HNF4G: variants seen among roughly 807,000 people sequenced by gnomAD.
HNF4G encodes hepatocyte nuclear factor 4-gamma.
Under a neutral mutation model 50.9 loss-of-function variants are expected in HNF4G, and 21 were observed. That is an observed-to-expected ratio of 0.41 (90% CI 0.29 to 0.59). The LOEUF (loss-of-function observed/expected upper bound fraction) is 0.59. HNF4G is among the 20% of genes least tolerant of loss of function. The pLI is 0.26. For missense variants in HNF4G, 527 were observed against 559.4 expected (o/e 0.94, Z 0.58); for synonymous variants, 198 against 185.6 (o/e 1.07, Z -0.54).
chr8:75,441,353 C>T (rs924862845), intron 1 of HNF4G, among the ~76,000 whole-genome samples: 1 of 151,770 alleles, frequency 6.6e-6, no homozygotes, highest in Non-Finnish European at 1.5e-5. Context: ...TCAAGTGAGT[C>T]TCACACCTTA....
intron 1 of HNF4G, among the ~76,000 whole-genome samples, chr8:75,435,486 A>G (rs1222689827): frequency 1.3e-5 from 2 of 152,198 alleles, no homozygotes; most frequent in Admixed American, 6.5e-5. Context: ...GAGTAAATCA[A>G]TGATGCCTGT....
At chr8:75,501,895 C>T (rs1177118135) in intron 2 of HNF4G, among the ~76,000 whole-genome samples, 1 of 120,554 alleles carries the variant, frequency 8.3e-6, no homozygotes, top group Non-Finnish European at 1.7e-5. Flanking sequence ...CTTTGTTGCC[C>T]AGGCTGGAGT....
intron 1 of HNF4G, among the ~76,000 whole-genome samples, chr8:75,477,916 G>A (rs1253667676): frequency 6.6e-6 from 1 of 152,066 alleles, no homozygotes; most frequent in South Asian, 2.1e-4. Flanking sequence ...GCAGTGAGCC[G>A]AGATCGTGCT....
chr8:75,555,440 G>A lies in HNF4G; in HGVS notation c.646-542G>A, dbSNP rs114104834. Among the ~76,000 whole-genome samples, 1,291 of 152,214 alleles carry A rather than the reference G, an allele frequency of 8.5e-3. 12 individuals carry two copies. The highest frequency in any genetic ancestry group is 0.028 in the African/African-American group (1,158 of 41,544). ...TACTGAGAAGAATAATCTAGAAAGC[G>A]GCAGAACCCAGACCTCCCATCTTTT... On this transcript the variant is annotated intron_variant, in intron 5 of 9. Coordinates refer to ENST00000396423, the MANE Select transcript of HNF4G (RefSeq NM_004133.5).
chr8:75,478,295 C>T (rs1260593975), intron 1 of HNF4G, among the ~76,000 whole-genome samples: 6 of 152,096 alleles, frequency 3.9e-5, no homozygotes, highest in Non-Finnish European at 7.4e-5. Flanking sequence ...GCCTGAGTGA[C>T]AAATGGAATT....
intron 1 of HNF4G, among the ~76,000 whole-genome samples, chr8:75,414,411 A>T (rs556019164): frequency 6.6e-6 from 1 of 152,156 alleles, no homozygotes; most frequent in Non-Finnish European, 1.5e-5. Context: ...AACAGCGTAT[A>T]TTTAAAGTGT....
intron 1 of HNF4G, among the ~76,000 whole-genome samples, chr8:75,466,850 AT>A (rs1217856479): frequency 6.6e-6 from 1 of 151,518 alleles, no homozygotes; most frequent in Non-Finnish European, 1.5e-5. Context: ...TGCCTGGCTA[AT>A]TTTTGTATTT....
At chr8:75,538,532 C>T (rs1198798780), upstream of HNF4G, among the ~76,000 whole-genome samples, 20 of 152,100 alleles carry the variant, frequency 1.3e-4, 1 homozygote, top group Non-Finnish European at 2.9e-5. Context: ...ACAATTCATC[C>T]CTTTGGTTCC....
At chr8:75,548,579 A>T (rs985815118) in intron 3 of HNF4G, among the ~76,000 whole-genome samples, 2 of 152,216 alleles carry the variant, frequency 1.3e-5, no homozygotes, top group Non-Finnish European at 2.9e-5. Context: ...TAATCTGATT[A>T]TATTCTCCTA....
intron 2 of HNF4G, among the ~76,000 whole-genome samples, chr8:75,498,471 C>A (rs1444405033): frequency 6.6e-6 from 1 of 151,988 alleles, no homozygotes; most frequent in Non-Finnish European, 1.5e-5. Flanking sequence ...TGAATTCGAG[C>A]AAGTATTTAA....
At chr8:75,478,777 C>T (rs1812302248) in intron 1 of HNF4G, among the ~76,000 whole-genome samples, 1 of 152,026 alleles carries the variant, frequency 6.6e-6, no homozygotes, top group African/African-American at 2.4e-5. Context: ...GGAGTGCAAT[C>T]GCGCGATCTG....
At chr8:75,416,490 G>T (rs561719797) in intron 1 of HNF4G, among the ~76,000 whole-genome samples, 1 of 152,046 alleles carries the variant, frequency 6.6e-6, no homozygotes, top group African/African-American at 2.4e-5. Context: ...AGTACCAGTG[G>T]CTTATAACCG....
chr8:75,448,570 A>G (rs915621358), intron 1 of HNF4G, among the ~76,000 whole-genome samples: 10 of 151,338 alleles, frequency 6.6e-5, no homozygotes, highest in Admixed American at 4.6e-4. Context: ...ATATGATGTA[A>G]GTATAATATG....
At position 75,512,754 on chromosome 8, in the gene HNF4G, G is replaced by A. The variant is rs772168525; in HGVS notation, c.-24+22546G>A. The stretch of plus-strand genomic sequence containing the variant: ...GCTGGGATTACAGGTGTGAGCCACC[G>A]CGCCCGGTCAACATCTTTATTATTT... On this transcript the variant is annotated intron_variant, in intron 2 of 10. Transcript: ENST00000354370. Among the ~76,000 whole-genome samples the A allele has an allele frequency of 1.4e-4, 22 of 152,144 alleles. 1 individual carries two copies. The highest frequency in any genetic ancestry group is 3.9e-4 in the African/African-American group (16 of 41,516).
intron 2 of HNF4G, among the ~76,000 whole-genome samples, chr8:75,493,189 T>G (rs892920911): frequency 6.6e-6 from 1 of 151,990 alleles, no homozygotes; most frequent in African/African-American, 2.4e-5. Context: ...ATCATTGGAG[T>G]GGACCAAATT....
At chr8:75,527,468 A>G (rs1296064732) in intron 2 of HNF4G, among the ~76,000 whole-genome samples, 1 of 152,202 alleles carries the variant, frequency 6.6e-6, no homozygotes, top group Non-Finnish European at 1.5e-5. Flanking sequence ...TTCAATGTTC[A>G]CAATGACTTT....
At chr8:75,477,003 C>T (rs1812257582) in intron 1 of HNF4G, among the ~76,000 whole-genome samples, 1 of 152,154 alleles carries the variant, frequency 6.6e-6, no homozygotes, top group South Asian at 2.1e-4. Context: ...TCTGTCTTAT[C>T]TATTTTCAAG....
chr8:75,522,708 G>C (rs1806077475), intron 2 of HNF4G, among the ~76,000 whole-genome samples: 1 of 152,092 alleles, frequency 6.6e-6, no homozygotes, highest in Non-Finnish European at 1.5e-5. Context: ...AATGTTCCTG[G>C]GGAGCAGGCA....
intron 1 of HNF4G, among the ~76,000 whole-genome samples, chr8:75,419,184 T>C (rs1388941381): frequency 6.6e-6 from 1 of 152,204 alleles, no homozygotes; most frequent in Non-Finnish European, 1.5e-5. Context: ...CCTGAGACTA[T>C]CAGAAGTTAA....
Sources: gnomAD v4.1 joint callset for allele counts (sites outside exome capture counted in the v4.1 genomes callset) on GRCh38, gnomAD v4.1.1 for gene constraint, MANE v1.5 for transcripts, NCBI Gene and HGNC (gene_info 2026-07-23, HGNC 2026-07-21) for gene names.